The following ASIC2 variants were observed in gnomAD, a reference collection of about 807,000 sequenced individuals.
ASIC2 encodes the protein acid-sensing ion channel 2.
ASIC2 carries 25 observed loss-of-function variants against 57.3 expected under a neutral mutation model. That is an observed-to-expected ratio of 0.44 (90% CI 0.32 to 0.61). The LOEUF (loss-of-function observed/expected upper bound fraction) is 0.61. Among genes scored for constraint, ASIC2 ranks in the 20% least tolerant of loss-of-function variants. The pLI, the probability that ASIC2 is intolerant of heterozygous loss-of-function variation, is 0.06. For missense variants in ASIC2, 641 were observed against 738.1 expected (o/e 0.87, Z 1.52); for synonymous variants, 319 against 307.5 (o/e 1.04, Z -0.39).
At chr17:33,117,411 A>G (rs1482083690) in intron 1 of ASIC2, among the ~76,000 whole-genome samples, 2 of 152,036 alleles carry the variant, frequency 1.3e-5, no homozygotes, top group Non-Finnish European at 2.9e-5. Flanking sequence ...CCTGACCTCA[A>G]GGGATCCATC....
At chr17:33,368,338 G>T (rs1908902996) in intron 1 of ASIC2, among the ~76,000 whole-genome samples, 1 of 152,216 alleles carries the variant, frequency 6.6e-6, no homozygotes, top group South Asian at 2.1e-4. Context: ...GATGTCCATG[G>T]AGTTTGTTGT....
At chr17:33,834,917 C>CA (rs757792076) in intron 1 of ASIC2, among the ~76,000 whole-genome samples, 87 of 151,760 alleles carry the variant, frequency 5.7e-4, no homozygotes, top group Admixed American at 2.0e-4. Context: ...GACAGTATTC[C>CA]AAAAAAGACA....
rs1007426206 is a variant in ASIC2 at position 34,063,824 on chromosome 17, C to T, written c.555+92154G>A. On this transcript the variant is annotated intron_variant, in intron 1 of 9. Transcript: ENST00000359872. ...TTAGGAACATACCTAACAAAGGAGT[C>T]GAAAGACCTCTAGAAGGAAAACTAC... Among the ~76,000 whole-genome samples, 5 of 151,970 alleles carry T rather than the reference C, an allele frequency of 3.3e-5. No homozygotes were observed. The South Asian group carries it at 8.3e-4, about 25-fold the overall frequency.
chr17:34,010,986 A>G (rs1423676729), intron 1 of ASIC2, among the ~76,000 whole-genome samples: 108 of 2,006 alleles, frequency 0.054, no homozygotes, highest in South Asian at 0.13. Flanking sequence ...ACACACACAT[A>G]CCTCTAGTCA....
chr17:33,345,799 G>T (rs1031675173), intron 1 of ASIC2, among the ~76,000 whole-genome samples: 1 of 152,120 alleles, frequency 6.6e-6, no homozygotes, highest in African/African-American at 2.4e-5. Flanking sequence ...TCTTTAAAAA[G>T]ATCTCTTGGG....
At chr17:33,084,700 A>G (rs1244267291) in intron 3 of ASIC2, among the ~76,000 whole-genome samples, 1 of 152,090 alleles carries the variant, frequency 6.6e-6, no homozygotes, top group Non-Finnish European at 1.5e-5. Context: ...CATTGATAGG[A>G]ACTGTTGTTA....
chr17:33,644,208 G>A (rs1356671198), intron 1 of ASIC2, among the ~76,000 whole-genome samples: 1 of 152,156 alleles, frequency 6.6e-6, no homozygotes, highest in Non-Finnish European at 1.5e-5. Context: ...TATATTTTAT[G>A]TGTTAACGTG....
At chr17:33,693,987 C>T (rs1047618582) in intron 1 of ASIC2, among the ~76,000 whole-genome samples, 19 of 152,186 alleles carry the variant, frequency 1.2e-4, no homozygotes, top group African/African-American at 4.3e-4. Context: ...TATTTTCTTC[C>T]TATGGACTGT....
intron 2 of ASIC2, among the ~76,000 whole-genome samples, chr17:33,093,106 C>G (rs1039308862): frequency 6.6e-6 from 1 of 151,986 alleles, no homozygotes; most frequent in African/African-American, 2.4e-5. Context: ...TTTGTGGGTC[C>G]CAGTGCCAAA....
intron 1 of ASIC2, among the ~76,000 whole-genome samples, chr17:33,113,770 G>C (rs2092269851): frequency 6.6e-6 from 1 of 152,232 alleles, no homozygotes; most frequent in African/African-American, 2.4e-5. Context: ...CTATTGTGCG[G>C]AGGAGGAAAC....
intron 1 of ASIC2, among the ~76,000 whole-genome samples, chr17:33,987,081 T>G (rs1020225398): frequency 6.6e-6 from 1 of 152,198 alleles, no homozygotes; most frequent in Non-Finnish European, 1.5e-5. Context: ...TAGAACCCTA[T>G]GGACCTCACT....
At chr17:33,142,277 C>A (rs1029362086) in intron 1 of ASIC2, among the ~76,000 whole-genome samples, 8 of 152,194 alleles carry the variant, frequency 5.3e-5, no homozygotes, top group African/African-American at 1.7e-4. Flanking sequence ...TTTGAGACAC[C>A]CAGCTCATTA....
chr17:34,068,178 A>G lies in ASIC2; in HGVS notation c.555+87800T>C, dbSNP rs144006045. Among the ~76,000 whole-genome samples, 1,032 of 152,202 alleles carry G rather than the reference A, an allele frequency of 6.8e-3. 8 individuals are homozygous for G. The highest frequency in any genetic ancestry group is 0.023 in the African/African-American group (964 of 41,520). On this transcript the variant is annotated intron_variant, in intron 1 of 9. Coordinates refer to the ASIC2 transcript ENST00000359872. Reference sequence around the variant, plus strand: ...CAGCCTCCACAATCCTCTTCTCAACATTTCTTTCTTCGACACTAAGGTCTT... The same window carrying G: ...CAGCCTCCACAATCCTCTTCTCAACGTTTCTTTCTTCGACACTAAGGTCTT...
At chr17:33,649,229 T>C (rs534606158) in intron 1 of ASIC2, among the ~76,000 whole-genome samples, 19 of 152,344 alleles carry the variant, frequency 1.2e-4, no homozygotes, top group African/African-American at 4.6e-4. Flanking sequence ...ACAAGATCAA[T>C]ATACAAAAAT....
At chr17:33,748,647 G>A (rs186353946) in intron 1 of ASIC2, among the ~76,000 whole-genome samples, 2 of 152,228 alleles carry the variant, frequency 1.3e-5, no homozygotes, top group East Asian at 3.9e-4. Context: ...GTGGTGGCCT[G>A]GGGATTCCTT....
At chr17:33,690,480 G>A (rs908267281) in intron 1 of ASIC2, among the ~76,000 whole-genome samples, 1 of 152,166 alleles carries the variant, frequency 6.6e-6, no homozygotes, top group East Asian at 1.9e-4. Flanking sequence ...TATGATGGCT[G>A]GGTTGTAAGA....
chr17:33,703,995 T>C (rs1908787368), intron 1 of ASIC2, among the ~76,000 whole-genome samples: 1 of 152,190 alleles, frequency 6.6e-6, no homozygotes, highest in South Asian at 2.1e-4. Flanking sequence ...TTTTCTATTT[T>C]TATTCTGAGC....
At chr17:33,309,715 CT>C (rs375246890) in intron 1 of ASIC2, among the ~76,000 whole-genome samples, 46 of 152,078 alleles carry the variant, frequency 3.0e-4, no homozygotes, top group African/African-American at 1.0e-3. Flanking sequence ...CTTAAAACCC[CT>C]TGTGTAGACT....
chr17:33,696,249 T>C (rs1478447727), intron 1 of ASIC2, among the ~76,000 whole-genome samples: 1 of 152,210 alleles, frequency 6.6e-6, no homozygotes, highest in Non-Finnish European at 1.5e-5. Context: ...TGTCAGATTC[T>C]GGCTCCTGGG....
Sources: allele counts gnomAD v4.1 joint callset (sites outside exome capture counted in the v4.1 genomes callset), GRCh38; gene constraint gnomAD v4.1.1; transcripts MANE v1.5; gene names NCBI Gene and HGNC (gene_info 2026-07-23, HGNC 2026-07-21).